The following GRHL2 variants were observed in gnomAD, a reference collection of about 807,000 sequenced individuals.
The protein encoded by GRHL2 is grainyhead-like protein 2 homolog.
Under a neutral mutation model 83.8 loss-of-function variants are expected in GRHL2, and 21 were observed. That is an observed-to-expected ratio of 0.25 (90% CI 0.18 to 0.36). The LOEUF (loss-of-function observed/expected upper bound fraction) is 0.36, where lower values mean the gene tolerates loss of function less well. Ranked by LOEUF, GRHL2 falls within the 10% of genes least tolerant of loss-of-function variation. The probability of loss-of-function intolerance (pLI) is 1.00; values close to 1 mark genes in which losing one functional copy is unlikely to be tolerated. For synonymous variants in GRHL2, 280 were observed against 278.9 expected (o/e 1.00, Z -0.04); for missense variants, 623 against 781.8 (o/e 0.80, Z 2.42).
intron 14 of GRHL2, among the ~76,000 whole-genome samples, chr8:101,663,925 C>A (rs1349595612): frequency 6.6e-6 from 1 of 150,820 alleles, no homozygotes; most frequent in Non-Finnish European, 1.5e-5. Context: ...TTCTGTACTG[C>A]GTTTTTAAAG....
At chr8:101,574,916 G>T (rs1316885322) in intron 6 of GRHL2, among the ~76,000 whole-genome samples, 1 of 152,214 alleles carries the variant, frequency 6.6e-6, no homozygotes, top group Non-Finnish European at 1.5e-5. Context: ...AAAAGGCACT[G>T]CTGTTTTTAT....
At position 101,668,704 on chromosome 8, in the gene GRHL2, A is replaced by C. The variant is rs1814135047; in HGVS notation, c.*2001A>C. 1 of 152,224 alleles carries C rather than the reference A, an allele frequency of 6.6e-6. No homozygotes were observed. The highest frequency in any genetic ancestry group is 2.4e-5 in the African/African-American group (1 of 41,416). 9.4% of individuals were successfully genotyped at this position (152,224 alleles called of 1,614,324 possible). On this transcript the variant is annotated 3_prime_UTR_variant, in exon 16 of 16. Coordinates refer to ENST00000646743, the MANE Select transcript of GRHL2 (RefSeq NM_024915.4). Reference sequence around the variant, plus strand: ...TGGACAAATTCAGTGTTGGAAATACATGTTGTACTATGCACTTCCCATGCT... The same window carrying C: ...TGGACAAATTCAGTGTTGGAAATACCTGTTGTACTATGCACTTCCCATGCT...
intron 1 of GRHL2, among the ~76,000 whole-genome samples, chr8:101,533,526 C>T (rs762168021): frequency 5.3e-5 from 8 of 151,946 alleles, no homozygotes; most frequent in Non-Finnish European, 8.8e-5. Flanking sequence ...TAGGTTCTAG[C>T]GGAGGTAGAC....
At position 101,645,935 on chromosome 8, in the gene GRHL2, G is replaced by A. The variant is rs369700263; in HGVS notation, c.1612+1710G>A. On this transcript the variant is annotated intron_variant, in intron 13 of 15. Transcript: ENST00000646743. Reference sequence around the variant, plus strand: ...GTCACTCAGGCTGGAGTGCAGTGGCGTGATTTCAGCTCACTGCAGCCTCTG... The same window carrying A: ...GTCACTCAGGCTGGAGTGCAGTGGCATGATTTCAGCTCACTGCAGCCTCTG... Among the ~76,000 whole-genome samples, 38 of 152,200 alleles carry A rather than the reference G, an allele frequency of 2.5e-4. No individual in the cohort carries two copies. The East Asian group carries it at 5.2e-3, about 21-fold the overall frequency.
rs1299955583 is a variant in GRHL2 at position 101,492,648 on chromosome 8, C to A, written c.-122C>A. 1 of 824,480 alleles carries A rather than the reference C, an allele frequency of 1.2e-6. No individual in the cohort carries two copies. Among genetic ancestry groups the A allele is most frequent in the Non-Finnish European group, 2.2e-6 (1 of 461,162 alleles). 51.1% of individuals were successfully genotyped at this position (824,480 alleles called of 1,614,324 possible). A position where few individuals can be genotyped will look rare whatever the true frequency, so the allele number is the denominator to read the frequency against. ...AGGGGGGACGGAAAAGCAGAATTAC[C>A]TGTAGCTCTTGTTCTGCCATCTCGG... On this transcript the variant is annotated 5_prime_UTR_variant, in exon 1 of 16. In the 5' UTR this introduces an upstream ATG that the reference lacks. Transcript: ENST00000646743.
At chr8:101,678,488 T>C in the GRHL2 span, among the ~76,000 whole-genome samples, 9 of 151,298 alleles carry the variant, frequency 5.9e-5, no homozygotes, top group African/African-American at 1.7e-4. Context: ...AACTGCAAGG[T>C]GGCAGCGAGG....
At chr8:101,592,217 G>C (rs962130669) in intron 7 of GRHL2, among the ~76,000 whole-genome samples, 3 of 140,600 alleles carry the variant, frequency 2.1e-5, no homozygotes, top group Non-Finnish European at 4.5e-5. Flanking sequence ...CAATTCTCCT[G>C]CCTCAGCCTC....
intron 4 of GRHL2, among the ~76,000 whole-genome samples, chr8:101,570,056 T>C (rs1057218153): frequency 1.3e-5 from 2 of 152,202 alleles, no homozygotes; most frequent in African/African-American, 4.8e-5. Context: ...AGATGTATTA[T>C]CTATTTGAGG....
chr8:101,556,745 A>G (rs996202402), intron 3 of GRHL2, among the ~76,000 whole-genome samples: 17 of 152,122 alleles, frequency 1.1e-4, no homozygotes, highest in Non-Finnish European at 2.2e-4. Flanking sequence ...TTTGGTGAAA[A>G]TACTTGAATG....
At chr8:101,559,444 C>T (rs1338622565) in intron 4 of GRHL2, among the ~76,000 whole-genome samples, 2 of 150,956 alleles carry the variant, frequency 1.3e-5, no homozygotes, top group African/African-American at 4.9e-5. Flanking sequence ...GCGGGAGAAT[C>T]GCTTCAACCC....
Position 101,505,907 on chromosome 8 carries a change from C to T in GRHL2, c.20+13118C>T, listed in dbSNP as rs1019659665. On this transcript the variant is annotated intron_variant, in intron 1 of 15. Transcript: ENST00000646743. ...ACCCATGTGGTCGAATCCCAGGACACGTTGAATTACAAGCTCCAAGTTTTT... is the reference window on the plus strand; with the variant it reads ...ACCCATGTGGTCGAATCCCAGGACATGTTGAATTACAAGCTCCAAGTTTTT... Among the ~76,000 whole-genome samples the T allele has an allele frequency of 2.6e-5, 4 of 152,128 alleles. No individual in the cohort carries two copies. In the South Asian group the frequency reaches 6.2e-4, roughly 24 times the overall value.
chr8:101,518,404 C>T (rs569331049), intron 1 of GRHL2, among the ~76,000 whole-genome samples: 4 of 152,116 alleles, frequency 2.6e-5, no homozygotes, highest in Non-Finnish European at 5.9e-5. Context: ...AGAGTGAGAC[C>T]GTGTCTCAAA....
At chr8:101,651,454 A>G (rs1469316272) in intron 14 of GRHL2, among the ~76,000 whole-genome samples, 1 of 152,188 alleles carries the variant, frequency 6.6e-6, no homozygotes, top group East Asian at 1.9e-4. Flanking sequence ...AGAACCTCTG[A>G]TCTAGACCAT....
At chr8:101,655,539 C>G (rs79071288) in intron 14 of GRHL2, among the ~76,000 whole-genome samples, 2 of 152,192 alleles carry the variant, frequency 1.3e-5, no homozygotes, top group African/African-American at 4.8e-5. Context: ...CTAAACCCCC[C>G]AGACCTTCAT....
At chr8:101,616,439 GGGATTACA>G (rs1417130170) in intron 8 of GRHL2, among the ~76,000 whole-genome samples, 6 of 152,142 alleles carry the variant, frequency 3.9e-5, no homozygotes, top group African/African-American at 1.4e-4. Flanking sequence ...TCAAAATGCT[GGGATTACA>G]GGTGTGAGCC....
chr8:101,673,055 G>A (rs1438528840), downstream of GRHL2, among the ~76,000 whole-genome samples: 98 of 149,320 alleles, frequency 6.6e-4, 1 homozygote, highest in East Asian at 0.018. Context: ...TGAAGGAAGC[G>A]CTAAACATGG....
At chr8:101,523,060 C>T (rs1297430468) in intron 1 of GRHL2, among the ~76,000 whole-genome samples, 1 of 151,838 alleles carries the variant, frequency 6.6e-6, no homozygotes, top group Non-Finnish European at 1.5e-5. Context: ...CAGGCACCCG[C>T]CACCATGCCC....
chr8:101,544,240 T>C (rs1811214933), intron 2 of GRHL2, among the ~76,000 whole-genome samples: 2 of 152,204 alleles, frequency 1.3e-5, no homozygotes, highest in Non-Finnish European at 2.9e-5. Flanking sequence ...GGTTTCTAGA[T>C]TTTTCAGTTT....
chr8:101,506,298 G>A (rs1810338942), intron 1 of GRHL2, among the ~76,000 whole-genome samples: 2 of 152,094 alleles, frequency 1.3e-5, no homozygotes, highest in African/African-American at 4.8e-5. Flanking sequence ...ATATGCTTAT[G>A]GGGAAAAATT....
Sources: allele counts gnomAD v4.1 joint callset (sites outside exome capture counted in the v4.1 genomes callset), GRCh38; gene constraint gnomAD v4.1.1; transcripts MANE v1.5; gene names NCBI Gene and HGNC (gene_info 2026-07-23, HGNC 2026-07-21).